The following RBFOX3 variants were observed in gnomAD, a reference collection of about 807,000 sequenced individuals.
RBFOX3 encodes RNA binding protein fox-1 homolog 3.
A neutral mutation model predicts 48.7 loss-of-function variants in RBFOX3; 17 were observed. The observed-to-expected ratio is 0.35, with a 90% CI of 0.24 to 0.52. RBFOX3 has a LOEUF of 0.52. RBFOX3 is among the 20% of genes least tolerant of loss of function. The probability of loss-of-function intolerance (pLI) is 0.94; values close to 1 mark genes in which losing one functional copy is unlikely to be tolerated. For missense variants in RBFOX3, 382 were observed against 497.5 expected, an observed-to-expected ratio of 0.77 and a Z score of 2.21; for synonymous variants, 212 against 209.5, an observed-to-expected ratio of 1.01 and a Z score of -0.10.
chr17:79,196,357 C>T (rs1255335194), intron 4 of RBFOX3, among the ~76,000 whole-genome samples: 1 of 152,164 alleles, frequency 6.6e-6, no homozygotes, highest in Non-Finnish European at 1.5e-5. Context: ...CCATCTCTGC[C>T]CCGACCACCC....
intron 1 of RBFOX3, among the ~76,000 whole-genome samples, chr17:79,494,680 C>T (rs2081183028): frequency 6.6e-6 from 1 of 152,250 alleles, no homozygotes; most frequent in Non-Finnish European, 1.5e-5. Context: ...GACATAAACC[C>T]TCCCATGCCC....
chr17:79,374,609 G>A (rs973858354), intron 2 of RBFOX3, among the ~76,000 whole-genome samples: 3 of 152,240 alleles, frequency 2.0e-5, no homozygotes, highest in Non-Finnish European at 2.9e-5. Flanking sequence ...TACACGCAGC[G>A]AGGTTGGCAC....
chr17:79,464,911 A>G (rs2076109140), intron 2 of RBFOX3, among the ~76,000 whole-genome samples: 1 of 152,212 alleles, frequency 6.6e-6, no homozygotes, highest in Non-Finnish European at 1.5e-5. Flanking sequence ...GATGGTCACT[A>G]ACCCGATTTG....
intron 2 of RBFOX3, among the ~76,000 whole-genome samples, chr17:79,415,891 G>A (rs1171223797): frequency 6.6e-6 from 1 of 152,122 alleles, no homozygotes; most frequent in Non-Finnish European, 1.5e-5. Flanking sequence ...GACCCCAGGG[G>A]AGCCCACACA....
At chr17:79,596,015 T>C (rs980288961) in intron 1 of RBFOX3, among the ~76,000 whole-genome samples, 1 of 152,174 alleles carries the variant, frequency 6.6e-6, no homozygotes, top group Non-Finnish European at 1.5e-5. Flanking sequence ...CCTCAGGATA[T>C]CTTCCAGAAT....
intron 4 of RBFOX3, among the ~76,000 whole-genome samples, chr17:79,191,409 C>G (rs540249862): frequency 6.6e-6 from 1 of 152,332 alleles, no homozygotes; most frequent in African/African-American, 2.4e-5. Context: ...CGCAAGGCCT[C>G]GGGAAACAGA....
chr17:79,283,432 C>T (rs888227727), intron 3 of RBFOX3, among the ~76,000 whole-genome samples: 3 of 152,054 alleles, frequency 2.0e-5, no homozygotes, highest in African/African-American at 7.2e-5. Flanking sequence ...CCATGCCCAG[C>T]TAATTTTTGT....
rs1198162776 is a variant in RBFOX3, at chr17:79,421,912, T to G, written c.-175+60542A>C. Among the ~76,000 whole-genome samples the G allele has an allele frequency of 1.3e-5, 2 of 152,102 alleles. No individual in the cohort carries two copies. The highest frequency in any genetic ancestry group is 4.8e-5 in the African/African-American group (2 of 41,410). ...CGCCCCACCCCAAGCTGCCCGGTCCTCAGCAACTGGCCCCATGTTCCACAG... is the reference window on the plus strand; with the variant it reads ...CGCCCCACCCCAAGCTGCCCGGTCCGCAGCAACTGGCCCCATGTTCCACAG... On this transcript the variant is annotated intron_variant, in intron 2 of 14. Transcript: ENST00000693108. This position sits in a 1 kb window ranked among gnomAD's most constrained non-coding sequence, Gnocchi z 4.5.
Position 79,301,581 on chromosome 17 carries a change from G to A in RBFOX3, c.-74+6143C>T, listed in dbSNP as rs927246700. On this transcript the variant is annotated intron_variant, in intron 3 of 14. Coordinates refer to ENST00000693108, the MANE Select transcript of RBFOX3 (RefSeq NM_001350451.2). ...GGAGAAAGCAGGGGAGGAGCACCTCGCTGGAAAGTGAGTTTCCTAGTCAGT... is the reference window on the plus strand; with the variant it reads ...GGAGAAAGCAGGGGAGGAGCACCTCACTGGAAAGTGAGTTTCCTAGTCAGT... Among the ~76,000 whole-genome samples the A allele has an allele frequency of 4.2e-4, 64 of 152,194 alleles. 1 individual carries two copies. The highest frequency in any genetic ancestry group is 1.4e-3 in the African/African-American group (60 of 41,450).
chr17:79,304,758 T>C (rs2075861423), intron 3 of RBFOX3, among the ~76,000 whole-genome samples: 1 of 152,146 alleles, frequency 6.6e-6, no homozygotes, highest in Non-Finnish European at 1.5e-5. Context: ...TGAAAGAGGA[T>C]GGAAGTCAAA....
intron 3 of RBFOX3, 142 bp from the exon 4 acceptor site, chr17:79,235,947 C>T (rs1202565170): frequency 2.0e-5 from 3 of 153,010 alleles, no homozygotes; most frequent in Admixed American, 6.5e-5. Flanking sequence ...CCAAGGAAAC[C>T]TGCCTGGGTT....
Position 79,117,454 on chromosome 17 carries a change from G to A in RBFOX3, c.-33-1706C>T, listed in dbSNP as rs995152877. 4.6e-5 allele frequency among the ~76,000 whole-genome samples: 7 copies of A among 152,202 alleles called. No individual in the cohort carries two copies. In the East Asian group the frequency reaches 7.7e-4, roughly 17 times the overall value. On this transcript the variant is annotated intron_variant, in intron 4 of 14. Transcript: ENST00000693108. ...CGCACGCTTTGTTCACACCACACAC[G>A]TTAGTTCAGTGAGCACCTACTAGGT... is the stretch of plus-strand genomic sequence containing the variant.
Position 79,103,285 on chromosome 17 carries a change from C to A in RBFOX3, c.415-31G>T, listed in dbSNP as rs139096456. 13 of 1,463,668 alleles carry A rather than the reference C, an allele frequency of 8.9e-6. No homozygotes were observed. Among genetic ancestry groups the A allele is most frequent in the East Asian group, 2.5e-5 (1 of 40,094 alleles). The allele number at this position is 1,463,668 out of a possible 1,614,324, so 90.7% of individuals were successfully genotyped here. On this transcript the variant is annotated intron_variant, in intron 7 of 14. Transcript: ENST00000693108. This position sits in a 1 kb window ranked among gnomAD's most constrained non-coding sequence, Gnocchi z 6.1. ...AGCAGAGGAGAGGGAAGGACAGGCA[C>A]GGAGAGGAGGACACAGGGCGAGAAA...
intron 1 of RBFOX3, among the ~76,000 whole-genome samples, chr17:79,580,307 C>G (rs1021421946): frequency 7.3e-6 from 1 of 136,622 alleles, no homozygotes; most frequent in South Asian, 2.7e-4. Flanking sequence ...TCCTTCTTCT[C>G]CTCCCTCTCC....
chr17:79,644,158 T>C, the RBFOX3 span, among the ~76,000 whole-genome samples: 1 of 152,076 alleles, frequency 6.6e-6, no homozygotes, highest in East Asian at 1.9e-4. Flanking sequence ...CAAGATGAAA[T>C]AGAACATTTG....
chr17:79,298,677 C>A (rs2074801770), intron 3 of RBFOX3, among the ~76,000 whole-genome samples: 1 of 152,182 alleles, frequency 6.6e-6, no homozygotes, highest in Non-Finnish European at 1.5e-5. Context: ...AAGGTGCCCC[C>A]TGAGATCCGA....
rs1172469857 is a variant in RBFOX3 at position 79,471,259 on chromosome 17, G to T, written c.-175+11195C>A. The stretch of plus-strand genomic sequence containing the variant: ...TGGCTCTCAGCTCATGGAAAGCGGG[G>T]TACGTGACCAGCACTGGCCAGGGTG... On this transcript the variant is annotated intron_variant, in intron 2 of 14. Coordinates refer to ENST00000693108, the MANE Select transcript of RBFOX3 (RefSeq NM_001350451.2). The surrounding 1 kb of genome is among the most constrained non-coding windows in gnomAD (Gnocchi z 4.0). 6.6e-6 allele frequency among the ~76,000 whole-genome samples: 1 copy of T among 152,170 alleles called. No homozygotes were observed. Among genetic ancestry groups the T allele is most frequent in the Non-Finnish European group, 1.5e-5 (1 of 68,040 alleles).
chr17:79,650,627 G>C, the RBFOX3 span, among the ~76,000 whole-genome samples: 8 of 152,090 alleles, frequency 5.3e-5, no homozygotes, highest in African/African-American at 1.9e-4. Flanking sequence ...AGAAGTCTCC[G>C]GCCCCTCCAC....
At chr17:79,154,626 G>C (rs1212108348) in intron 4 of RBFOX3, among the ~76,000 whole-genome samples, 2 of 152,238 alleles carry the variant, frequency 1.3e-5, no homozygotes, top group Admixed American at 6.5e-5. Flanking sequence ...GCCAGGACGA[G>C]CCAGTATTTG....
Sources: allele counts gnomAD v4.1 joint callset (sites outside exome capture counted in the v4.1 genomes callset), GRCh38; gene constraint gnomAD v4.1.1; non-coding constraint Gnocchi (gnomAD v3.1); transcripts MANE v1.5; gene names NCBI Gene and HGNC (gene_info 2026-07-23, HGNC 2026-07-21).